Variants in PRMT3 observed in about 807,000 individuals in gnomAD.
The protein encoded by PRMT3 is protein arginine methyltransferase 3, also known as protein arginine N-methyltransferase 3.
PRMT3 carries 62 observed loss-of-function variants against 71.9 expected under a neutral mutation model. That is an observed-to-expected ratio of 0.86 (90% CI 0.70 to 1.07). The LOEUF is 1.07. Among genes scored for constraint, PRMT3 ranks in the 50% least tolerant of loss-of-function variants. The pLI is 0.00. For missense variants in PRMT3, 663 were observed against 643.0 expected, an observed-to-expected ratio of 1.03 and a Z score of -0.34; for synonymous variants, 213 against 220.4, an observed-to-expected ratio of 0.97 and a Z score of 0.30.
chr11:20,472,141 G>A (rs1222762059), intron 13 of PRMT3, among the ~76,000 whole-genome samples: 4 of 152,138 alleles, frequency 2.6e-5, no homozygotes, highest in Non-Finnish European at 5.9e-5. Flanking sequence ...CATGTCATCT[G>A]CAAACAAAGA....
At chr11:20,485,255 A>G (rs1320225096) in intron 13 of PRMT3, among the ~76,000 whole-genome samples, 2 of 152,206 alleles carry the variant, frequency 1.3e-5, no homozygotes, top group African/African-American at 2.4e-5. Context: ...TTTCTAGAAG[A>G]TTATTACAGG....
chr11:20,397,606 C>G lies in PRMT3; in HGVS notation c.590C>G (p.Thr197Arg). Residue 197 changes from threonine (T) to arginine (R), a missense_variant, in exon 7 of 16, where the codon ACA (threonine) becomes AGA (arginine). Coordinates refer to ENST00000331079, the MANE Select transcript of PRMT3 (RefSeq NM_005788.4). ...KQFAQDFVMH[T>R]DVRTCSSSTS... Reference sequence around the variant, plus strand: ...TTTGCTCAGGATTTTGTGATGCACACAGATGTCAGAACCTGCTCGTCATCT... The same window carrying G: ...TTTGCTCAGGATTTTGTGATGCACAGAGATGTCAGAACCTGCTCGTCATCT... The G allele has an allele frequency of 1.2e-6, 2 of 1,614,078 alleles. No individual in the cohort carries two copies. The highest frequency in any genetic ancestry group is 1.7e-6 in the Non-Finnish European group (2 of 1,179,986).
chr11:20,504,953 G>A (rs576795525), intron 15 of PRMT3, among the ~76,000 whole-genome samples: 5 of 152,178 alleles, frequency 3.3e-5, no homozygotes, highest in Admixed American at 1.3e-4. Context: ...GGCTGGTCTC[G>A]AATTCCTTGT....
intron 10 of PRMT3, among the ~76,000 whole-genome samples, chr11:20,437,516 A>C (rs1849786616): frequency 1.3e-5 from 2 of 152,140 alleles, no homozygotes; most frequent in Admixed American, 6.5e-5. Context: ...CCTGTGTTCA[A>C]CATCAGCAAT....
chr11:20,422,394 C>A (rs1190034330), intron 9 of PRMT3, among the ~76,000 whole-genome samples: 2 of 152,084 alleles, frequency 1.3e-5, no homozygotes, highest in Non-Finnish European at 2.9e-5. Context: ...TCATTACTTT[C>A]CTGTTGAATA....
chr11:20,501,280 T>A (rs1565241659), intron 15 of PRMT3, among the ~76,000 whole-genome samples: 1 of 152,158 alleles, frequency 6.6e-6, no homozygotes, highest in Non-Finnish European at 1.5e-5. Flanking sequence ...CCTCCCTCAT[T>A]CCTTCTTGAT....
At chr11:20,452,297 G>A (rs1850168272) in intron 11 of PRMT3, 89 bp downstream of exon 11, 8 of 1,015,916 alleles carry the variant, frequency 7.9e-6, no homozygotes, top group Non-Finnish European at 6.1e-6. Flanking sequence ...ATGCATGGCT[G>A]AGGAAGTTCC....
chr11:20,387,924 A>G lies in PRMT3; in HGVS notation c.29-95A>G, dbSNP rs746843453. The G allele has an allele frequency of 1.9e-6, 3 of 1,587,350 alleles. No homozygotes were observed. The highest frequency in any genetic ancestry group is 2.7e-5 in the African/African-American group (2 of 74,494). Reference sequence around the variant, plus strand: ...AGGTGCTGAGTGAGGGCCGCGGGCGAACGGGGCGGAGGAGAGCCCATCGTC... The same window carrying G: ...AGGTGCTGAGTGAGGGCCGCGGGCGGACGGGGCGGAGGAGAGCCCATCGTC... On this transcript the variant is annotated intron_variant, in intron 1 of 15. Transcript: ENST00000331079. This position sits in a 1 kb window ranked among gnomAD's most constrained non-coding sequence, Gnocchi z 4.3.
intron 7 of PRMT3, among the ~76,000 whole-genome samples, chr11:20,401,574 A>T (rs1444400803): frequency 2.0e-5 from 3 of 152,236 alleles, no homozygotes; most frequent in African/African-American, 7.2e-5. Context: ...ATAAAAATGT[A>T]TTGGGGGTAT....
At chr11:20,482,840 GGAAAGACAAGTCAAGT>G in intron 13 of PRMT3, among the ~76,000 whole-genome samples, 1 of 150,060 alleles carries the variant, frequency 6.7e-6, no homozygotes, top group Non-Finnish European at 1.5e-5. Flanking sequence ...TCAAAAATTT[GGAAAGACAAGTCAAGT>G]CAAAAATTAG....
chr11:20,470,896 C>T (rs1850628297), intron 13 of PRMT3, among the ~76,000 whole-genome samples: 1 of 152,152 alleles, frequency 6.6e-6, no homozygotes, highest in Admixed American at 6.6e-5. Context: ...ACAACCTCAC[C>T]AGCATCTGTT....
At chr11:20,389,258 T>C (rs1227146883) in intron 2 of PRMT3, among the ~76,000 whole-genome samples, 1 of 152,222 alleles carries the variant, frequency 6.6e-6, no homozygotes, top group Admixed American at 6.5e-5. Context: ...TTGGGAATAC[T>C]ACAAGATCAC....
At chr11:20,496,146 GA>G (rs1232698611) in intron 15 of PRMT3, among the ~76,000 whole-genome samples, 2 of 152,132 alleles carry the variant, frequency 1.3e-5, no homozygotes, top group African/African-American at 4.8e-5. Context: ...TTATAGAAGG[GA>G]AAAATTGGAA....
chr11:20,461,294 C>G (rs536112814), intron 11 of PRMT3, among the ~76,000 whole-genome samples: 40 of 152,170 alleles, frequency 2.6e-4, no homozygotes, highest in Non-Finnish European at 5.3e-4. Context: ...TCCCTTCTCC[C>G]CTGCTCCAGC....
chr11:20,390,791 A>C (rs1429574842), intron 3 of PRMT3, among the ~76,000 whole-genome samples: 1 of 152,194 alleles, frequency 6.6e-6, no homozygotes, highest in South Asian at 2.1e-4. Flanking sequence ...CATCCTGGCT[A>C]ACCCAGTGAA....
chr11:20,396,344 G>T (rs1848825647), intron 6 of PRMT3, among the ~76,000 whole-genome samples: 1 of 152,080 alleles, frequency 6.6e-6, no homozygotes, highest in South Asian at 2.1e-4. Context: ...TAGTTTTAAA[G>T]AATCAAAATG....
intron 13 of PRMT3, among the ~76,000 whole-genome samples, chr11:20,491,807 G>T (rs1464556624): frequency 6.6e-6 from 1 of 152,104 alleles, no homozygotes; most frequent in African/African-American, 2.4e-5. Context: ...GCGTAATTTG[G>T]GGGTTAGGCT....
chr11:20,398,602 G>A lies in PRMT3; in HGVS notation c.705+881G>A, dbSNP rs187196546. ...CGAGTAGCTGGGACTACAGGTGCCC[G>A]CCACGGCGCCTGGCTAATTTTTTGT... On this transcript the variant is annotated intron_variant, in intron 7 of 15. Transcript: ENST00000331079. Among the ~76,000 whole-genome samples the A allele has an allele frequency of 1.1e-4, 16 of 152,252 alleles. No individual in the cohort carries two copies. In the East Asian group the frequency reaches 1.7e-3, roughly 17 times the overall value.
intron 7 of PRMT3, among the ~76,000 whole-genome samples, chr11:20,398,562 C>G (rs1848882327): frequency 6.6e-6 from 1 of 152,216 alleles, no homozygotes; most frequent in Non-Finnish European, 1.5e-5. Context: ...ACGCCATTCT[C>G]TTGCCTCAGC....
Sources: gnomAD v4.1 joint callset for allele counts (sites outside exome capture counted in the v4.1 genomes callset) on GRCh38, gnomAD v4.1.1 for gene constraint, Gnocchi (gnomAD v3.1) non-coding constraint, MANE v1.5 for transcripts, NCBI Gene and HGNC (gene_info 2026-07-23, HGNC 2026-07-21) for gene names.